The following LANCL3 variants were observed in gnomAD, a reference collection of about 807,000 sequenced individuals.
LANCL3 encodes LanC like family member 3.
In LANCL3, 19 loss-of-function variants were observed where a neutral mutation model predicts 26.5. The observed-to-expected ratio is 0.72, with a 90% CI of 0.50 to 1.05. The LOEUF (loss-of-function observed/expected upper bound fraction) is 1.05. LANCL3 is among the 50% of genes least tolerant of loss of function. The pLI is 0.00. For missense variants in LANCL3, 318 were observed against 362.7 expected, an observed-to-expected ratio of 0.88 and a Z score of 1.00; for synonymous variants, 160 against 166.6, an observed-to-expected ratio of 0.96 and a Z score of 0.30.
chrX:37,579,149 G>A (rs189657490), intron 1 of LANCL3, among the ~76,000 whole-genome samples: 48 of 110,226 alleles, frequency 4.4e-4, no homozygotes, highest in African/African-American at 1.6e-3. Context: ...GGACATCTTT[G>A]CATATTGTAT....
At chrX:37,610,284 C>A (rs1251107253) in intron 1 of LANCL3, among the ~76,000 whole-genome samples, 1 of 111,534 alleles carries the variant, frequency 9.0e-6, no homozygotes, top group Non-Finnish European at 1.9e-5. Flanking sequence ...AGTGAGCATC[C>A]TAAGAGAATA....
intron 1 of LANCL3, among the ~76,000 whole-genome samples, chrX:37,630,529 A>T (rs1267950777): frequency 3.1e-4 from 33 of 106,886 alleles, no homozygotes; most frequent in African/African-American, 1.0e-3. Context: ...GTCTTGTGCC[A>T]GTTTTCAAAG....
At chrX:37,663,241 G>A (rs781800573) in intron 3 of LANCL3, among the ~76,000 whole-genome samples, 29 of 112,379 alleles carry the variant, frequency 2.6e-4, no homozygotes, top group African/African-American at 9.4e-4. Flanking sequence ...AGGGGAGGCA[G>A]CCATGGAAAT....
chrX:37,659,631 G>A lies in LANCL3; in HGVS notation c.867G>A (p.Glu289=), dbSNP rs142780377. 2.0e-3 allele frequency: 2,388 copies of A among 1,208,178 alleles called. 21 individuals carry two copies. The African/African-American group carries it at 0.035, about 18-fold the overall frequency. ...GCGAGACCATCGAGAGAGAGAATGA[G>A]CTGGTGCACTGGTGCCATGGCGCTC... is the stretch of plus-strand genomic sequence containing the variant. ...ELGETIEREN[E]LVHWCHGAPG... The change falls in exon 3 of 5, where the codon GAG becomes GAA. Residue 289 remains glutamate (E), a synonymous_variant. Transcript: ENST00000378619.
chrX:37,667,199 A>T, intron 3 of LANCL3, 83 bp from the exon 4 acceptor site: 1 of 562,155 alleles, frequency 1.8e-6, no homozygotes, highest in East Asian at 3.9e-5. Flanking sequence ...CAGGTGATTC[A>T]TGAGCTTTTT....
intron 1 of LANCL3, among the ~76,000 whole-genome samples, chrX:37,583,311 A>G (rs1343047825): frequency 3.6e-5 from 4 of 111,377 alleles, no homozygotes; most frequent in African/African-American, 1.3e-4. Context: ...CTCTTTTTTG[A>G]TTCCATATGA....
In LANCL3 at chrX:37,572,436, C is replaced by T. The variant is rs5963721; in HGVS notation, c.566C>T (p.Ala189Val). The T allele has an allele frequency of 9.0e-5, 106 of 1,171,362 alleles. No individual in the cohort carries two copies. The highest frequency in any genetic ancestry group is 1.9e-4 in the South Asian group (10 of 52,902). The change falls in exon 1 of 5, where the codon GCC becomes GTC. Residue 189 changes from alanine to valine, a missense_variant. By Grantham distance (64) the Ala-to-Val change is moderately conservative. Transcript: ENST00000378619. ...GCGCTGGTGCTCAAGCAGAAACTCG[C>T]CCAGGAGGTAAGAGGTAGCCCGGGC... ...CAALVLKQKL[A>V]QEVLTPAQIK...
At chrX:37,606,628 C>G (rs937992138) in intron 1 of LANCL3, among the ~76,000 whole-genome samples, 3 of 111,320 alleles carry the variant, frequency 2.7e-5, no homozygotes, top group Admixed American at 9.5e-5. Context: ...CTTGAGTTAA[C>G]TGTCTCTATA....
intron 1 of LANCL3, among the ~76,000 whole-genome samples, chrX:37,640,021 C>G (rs782351723): frequency 7.1e-5 from 8 of 111,959 alleles, no homozygotes; most frequent in Non-Finnish European, 1.1e-4. Context: ...ACACAATTCA[C>G]TTAATATTGA....
chrX:37,602,756 A>T (rs1924604449), intron 1 of LANCL3, among the ~76,000 whole-genome samples: 1 of 111,166 alleles, frequency 9.0e-6, no homozygotes. Flanking sequence ...AATTGAGGAA[A>T]AATGCAATTT....
intron 1 of LANCL3, among the ~76,000 whole-genome samples, chrX:37,653,623 T>C (rs1330180201): frequency 8.9e-6 from 1 of 112,418 alleles, no homozygotes; most frequent in African/African-American, 3.2e-5. Flanking sequence ...TTTTAAGTAG[T>C]GTAAGACTAA....
intron 1 of LANCL3, among the ~76,000 whole-genome samples, chrX:37,615,231 A>G (rs1924976344): frequency 4.5e-5 from 5 of 111,936 alleles, no homozygotes; most frequent in Admixed American, 3.8e-4. Flanking sequence ...TTTGGATTCT[A>G]ATTCAGTAGA....
intron 1 of LANCL3, among the ~76,000 whole-genome samples, chrX:37,622,761 T>C (rs1740241667): frequency 8.9e-6 from 1 of 112,139 alleles, no homozygotes; most frequent in Non-Finnish European, 1.9e-5. Flanking sequence ...TTTCCCCACC[T>C]GGATGTTCTT....
rs782405231 is a variant in LANCL3, at chrX:37,572,126, G to T, written c.256G>T (p.Ala86Ser). ...CCACGTCTCGCAGAGCCCGCTTTTC[G>T]CCACGGCCCGGGAACGCTACCTGCG... is the stretch of plus-strand genomic sequence containing the variant. The part of the protein sequence containing the change: ...LYHVSQSPLF[A>S]TARERYLRSA... Residue 86 changes from alanine (A) to serine (S), a missense_variant, in exon 1 of 5, where the codon GCC becomes TCC. Ala to Ser is a moderately conservative substitution (Grantham distance 99). Transcript: ENST00000378619. 8.4e-7 allele frequency: 1 copy of T among 1,194,622 alleles called. No individual in the cohort carries two copies. The highest frequency in any genetic ancestry group is 1.1e-6 in the Non-Finnish European group (1 of 892,213).
chrX:37,653,499 C>T (rs1926208571), intron 1 of LANCL3, among the ~76,000 whole-genome samples: 1 of 112,017 alleles, frequency 8.9e-6, no homozygotes, highest in Admixed American at 9.4e-5. Flanking sequence ...AGATATATTC[C>T]CAGAAGACTA....
intron 1 of LANCL3, among the ~76,000 whole-genome samples, chrX:37,592,657 T>C (rs192570395): frequency 9.0e-6 from 1 of 111,304 alleles, no homozygotes; most frequent in African/African-American, 3.3e-5. Context: ...GTGCAAAAAT[T>C]AGAATATTAA....
chrX:37,613,876 T>C (rs1380242010), intron 1 of LANCL3, among the ~76,000 whole-genome samples: 1 of 112,409 alleles, frequency 8.9e-6, no homozygotes, highest in African/African-American at 3.2e-5. Flanking sequence ...TAGCAACTAT[T>C]CTGTGTGCTT....
chrX:37,608,798 A>C (rs1036652028), intron 1 of LANCL3, among the ~76,000 whole-genome samples: 10 of 112,227 alleles, frequency 8.9e-5, no homozygotes, highest in African/African-American at 1.6e-4. Context: ...ATAGGAAAAA[A>C]GAGAACCAGA....
intron 1 of LANCL3, among the ~76,000 whole-genome samples, chrX:37,577,202 A>G (rs1177893640): frequency 2.7e-5 from 3 of 112,764 alleles, no homozygotes; most frequent in Non-Finnish European, 5.6e-5. Context: ...TTTTGTGCCA[A>G]GGACTCCTTG....
Sources: allele counts gnomAD v4.1 joint callset (sites outside exome capture counted in the v4.1 genomes callset), GRCh38; gene constraint gnomAD v4.1.1; transcripts MANE v1.5; gene names NCBI Gene and HGNC (gene_info 2026-07-23, HGNC 2026-07-21).